The following TNFSF11 variants were observed in gnomAD, a reference collection of about 807,000 sequenced individuals.
TNFSF11 encodes TNF superfamily member 11, also known as tumor necrosis factor ligand superfamily member 11.
TNFSF11 carries 12 observed loss-of-function variants against 32.2 expected under a neutral mutation model. The observed-to-expected ratio is 0.37, with a 90% CI of 0.24 to 0.60. TNFSF11 has a LOEUF of 0.60. Among genes scored for constraint, TNFSF11 ranks in the 20% least tolerant of loss-of-function variants. TNFSF11 has a pLI of 0.66. For missense variants in TNFSF11, 345 were observed against 398.0 expected, an observed-to-expected ratio of 0.87 and a Z score of 1.13; for synonymous variants, 172 against 152.1, an observed-to-expected ratio of 1.13 and a Z score of -0.96.
intron 2 of TNFSF11, among the ~76,000 whole-genome samples, chr13:42,581,635 A>T (rs1352995793): frequency 4.6e-5 from 7 of 152,166 alleles, no homozygotes; most frequent in Non-Finnish European, 1.0e-4. Flanking sequence ...CCTAAAAACC[A>T]TCCGCTCAGT....
At chr13:42,562,982 A>G (rs1412746779) in intron 1 of TNFSF11, 1 of 152,220 alleles carries the variant, frequency 6.6e-6, no homozygotes, top group Non-Finnish European at 1.5e-5. Flanking sequence ...AGTTGCAGAA[A>G]TTGAGGGGAG....
At chr13:42,568,416 G>A (rs1268123256) in intron 2 of TNFSF11, among the ~76,000 whole-genome samples, 1 of 152,202 alleles carries the variant, frequency 6.6e-6, no homozygotes, top group African/African-American at 2.4e-5. Context: ...TGTGATTTAA[G>A]TTAAGGGGGT....
chr13:42,600,698 G>A (rs1869122635), intron 2 of TNFSF11, 54 bp from the exon 3 acceptor site: 3 of 1,536,964 alleles, frequency 2.0e-6, no homozygotes, highest in Admixed American at 3.7e-5. Flanking sequence ...AATTCTTATT[G>A]CTTTACAGAA....
chr13:42,591,263 A>T (rs1868457086), intron 2 of TNFSF11, among the ~76,000 whole-genome samples: 1 of 152,160 alleles, frequency 6.6e-6, no homozygotes, highest in South Asian at 2.1e-4. Context: ...AGGGATCAGA[A>T]TGTTAAGTTA....
At chr13:42,566,088 C>T (rs1872859484) in intron 1 of TNFSF11, among the ~76,000 whole-genome samples, 1 of 152,166 alleles carries the variant, frequency 6.6e-6, no homozygotes, top group African/African-American at 2.4e-5. Flanking sequence ...TTATTTACAG[C>T]AATGAGCAGA....
At chr13:42,584,153 GCA>G (rs1873772238) in intron 2 of TNFSF11, among the ~76,000 whole-genome samples, 1 of 152,136 alleles carries the variant, frequency 6.6e-6, no homozygotes, top group Non-Finnish European at 1.5e-5. Context: ...ACATAACTAT[GCA>G]CAGTCATAAT....
At chr13:42,576,766 A>G (rs1873337292) in intron 1 of TNFSF11, among the ~76,000 whole-genome samples, 1 of 152,246 alleles carries the variant, frequency 6.6e-6, no homozygotes, top group South Asian at 2.1e-4. Context: ...TTTGAGATAC[A>G]TTCTGAAATA....
At chr13:42,592,543 G>A (rs1217167667) in intron 2 of TNFSF11, among the ~76,000 whole-genome samples, 1 of 152,254 alleles carries the variant, frequency 6.6e-6, no homozygotes, top group African/African-American at 2.4e-5. Flanking sequence ...TAGGAAGGCA[G>A]TGGTTACCCT....
At chr13:42,573,936 G>A (rs1436991416), upstream of TNFSF11, among the ~76,000 whole-genome samples, 4 of 152,276 alleles carry the variant, frequency 2.6e-5, no homozygotes, top group Admixed American at 6.5e-5. Flanking sequence ...GATGGCAAGG[G>A]GAGTCTGGAA....
intron 2 of TNFSF11, among the ~76,000 whole-genome samples, chr13:42,592,631 G>A (rs918925470): frequency 3.3e-5 from 5 of 152,170 alleles, no homozygotes; most frequent in Non-Finnish European, 7.4e-5. Flanking sequence ...GGCCATTGGT[G>A]GTTGATGTCA....
intron 2 of TNFSF11, among the ~76,000 whole-genome samples, chr13:42,592,938 G>A (rs1868583775): frequency 6.6e-6 from 1 of 152,094 alleles, no homozygotes; most frequent in Non-Finnish European, 1.5e-5. Context: ...GGTTTCCTGA[G>A]GCTTCCCCAG....
At chr13:42,600,628 G>A (rs2137904317) in intron 2 of TNFSF11, 124 bp from the exon 3 acceptor site, 1 of 1,068,616 alleles carries the variant, frequency 9.4e-7, no homozygotes, top group East Asian at 2.6e-5. Context: ...CACTGCCAAT[G>A]TTACTATGGC....
At chr13:42,587,568 G>C (rs1466649286) in intron 2 of TNFSF11, among the ~76,000 whole-genome samples, 2 of 152,226 alleles carry the variant, frequency 1.3e-5, no homozygotes, top group African/African-American at 4.8e-5. Context: ...TTGCAAGAGA[G>C]TGAGAGAAAT....
rs1873199821 is a variant in TNFSF11 at position 42,574,392 on chromosome 13, T to C, written c.89T>C (p.Leu30Pro). 1 of 1,551,426 alleles carries C rather than the reference T, an allele frequency of 6.4e-7. No individual in the cohort carries two copies. The highest frequency in any genetic ancestry group is 2.4e-5 in the East Asian group (1 of 41,606). Residue 30 changes from leucine (L) to proline (P), a missense_variant, in exon 1 of 5, where the codon CTG (leucine) becomes CCG (proline). Transcript: ENST00000398795. ...CCCGGAGCCCCGCACGAGGGCCCCCTGCACGCCCCGCCGCCGCCTGCGCCG... is the reference window on the plus strand; with the variant it reads ...CCCGGAGCCCCGCACGAGGGCCCCCCGCACGCCCCGCCGCCGCCTGCGCCG... ...GGPGAPHEGPLHAPPPPAPHQ... is the reference protein window; with the variant it reads ...GGPGAPHEGPPHAPPPPAPHQ...
chr13:42,606,009 C>A (rs943566778), intron 4 of TNFSF11, among the ~76,000 whole-genome samples: 1 of 152,192 alleles, frequency 6.6e-6, no homozygotes, highest in Non-Finnish European at 1.5e-5. Context: ...GTCTCAGTTG[C>A]CTTTGGCTTA....
intron 4 of TNFSF11, among the ~76,000 whole-genome samples, chr13:42,602,961 T>C (rs1566389429): frequency 1.3e-5 from 2 of 152,208 alleles, no homozygotes; most frequent in Non-Finnish European, 2.9e-5. Flanking sequence ...CTCCTGGTTA[T>C]TTTCTGACAG....
At chr13:42,590,872 G>C (rs887705838) in intron 2 of TNFSF11, among the ~76,000 whole-genome samples, 2 of 152,140 alleles carry the variant, frequency 1.3e-5, no homozygotes, top group African/African-American at 4.8e-5. Context: ...CATACCCATC[G>C]CACTCCCAGG....
At chr13:42,602,691 G>A (rs574486412) in intron 4 of TNFSF11, among the ~76,000 whole-genome samples, 9 of 152,236 alleles carry the variant, frequency 5.9e-5, no homozygotes, top group African/African-American at 1.9e-4. Flanking sequence ...AATAAATATG[G>A]ATGCATCTGT....
intron 1 of TNFSF11, among the ~76,000 whole-genome samples, chr13:42,577,669 A>G (rs777240071): frequency 6.6e-6 from 1 of 152,124 alleles, no homozygotes; most frequent in Non-Finnish European, 1.5e-5. Context: ...TCGATCCCCC[A>G]ATATGCACAA....
Sources: allele counts gnomAD v4.1 joint callset (sites outside exome capture counted in the v4.1 genomes callset), GRCh38; gene constraint gnomAD v4.1.1; transcripts MANE v1.5; gene names NCBI Gene and HGNC (gene_info 2026-07-23, HGNC 2026-07-21).